The following CAMK1D variants were observed in gnomAD, a reference collection of about 807,000 sequenced individuals.
The protein encoded by CAMK1D is calcium/calmodulin-dependent protein kinase type 1D.
Under a neutral mutation model 47.7 loss-of-function variants are expected in CAMK1D, and 9 were observed. The observed-to-expected ratio is 0.19, with a 90% CI of 0.11 to 0.33. The LOEUF (loss-of-function observed/expected upper bound fraction) is 0.33. CAMK1D is among the 10% of genes least tolerant of loss of function. The pLI is 1.00. For synonymous variants in CAMK1D, 184 were observed against 184.9 expected (o/e 0.99, Z 0.04); for missense variants, 291 against 488.7 (o/e 0.60, Z 3.81).
chr10:12,627,363 G>A (rs186748805), intron 2 of CAMK1D, among the ~76,000 whole-genome samples: 35 of 152,182 alleles, frequency 2.3e-4, no homozygotes, highest in African/African-American at 8.4e-4. Flanking sequence ...GGGATTACAG[G>A]CGTGAGCCAC....
At chr10:12,409,591 T>A (rs1824254435) in intron 1 of CAMK1D, among the ~76,000 whole-genome samples, 1 of 152,210 alleles carries the variant, frequency 6.6e-6, no homozygotes, top group Non-Finnish European at 1.5e-5. Context: ...GCTGAAAAAT[T>A]TTCTTAAAAA....
intron 8 of CAMK1D, among the ~76,000 whole-genome samples, chr10:12,822,931 A>T (rs1833064661): frequency 6.6e-6 from 1 of 152,196 alleles, no homozygotes; most frequent in Non-Finnish European, 1.5e-5. Context: ...TTTGCTTGAG[A>T]TATTTCCTGC....
chr10:12,465,424 G>T (rs552766634), intron 1 of CAMK1D, among the ~76,000 whole-genome samples: 1 of 151,658 alleles, frequency 6.6e-6, no homozygotes. Context: ...GTGTGATCTC[G>T]GCTCACTGCA....
intron 1 of CAMK1D, among the ~76,000 whole-genome samples, chr10:12,500,178 A>G (rs1834657472): frequency 6.6e-6 from 1 of 152,202 alleles, no homozygotes; most frequent in Non-Finnish European, 1.5e-5. Flanking sequence ...AGGCAAGAGA[A>G]TCGCTTGAAC....
At chr10:12,392,002 CACACACACACACACAA>C (rs1475444914) in intron 1 of CAMK1D, among the ~76,000 whole-genome samples, 21 of 144,590 alleles carry the variant, frequency 1.5e-4, no homozygotes, top group Admixed American at 1.4e-3. Context: ...CACACACACA[CACACACACACACACAA>C]ACAGTCTGGG....
intron 5 of CAMK1D, among the ~76,000 whole-genome samples, chr10:12,789,454 G>T (rs894717527): frequency 3.3e-5 from 5 of 152,218 alleles, no homozygotes; most frequent in Admixed American, 2.6e-4. Context: ...GCTGTGTGAT[G>T]TGGGACAAGT....
chr10:12,767,763 A>G (rs1836839544), intron 4 of CAMK1D, among the ~76,000 whole-genome samples: 1 of 152,226 alleles, frequency 6.6e-6, no homozygotes, highest in African/African-American at 2.4e-5. Context: ...TACACACTTT[A>G]CAGGAATAGT....
intron 3 of CAMK1D, among the ~76,000 whole-genome samples, chr10:12,677,927 C>A (rs1056738244): frequency 1.3e-5 from 2 of 151,976 alleles, no homozygotes; most frequent in Non-Finnish European, 2.9e-5. Flanking sequence ...ACTGCTGCTG[C>A]TTTGTCCTTC....
chr10:12,693,966 A>C (rs796252936), intron 3 of CAMK1D, among the ~76,000 whole-genome samples: 1 of 26,748 alleles, frequency 3.7e-5, no homozygotes, highest in African/African-American at 9.6e-5. Context: ...TTATATATAA[A>C]ATATATAATA....
chr10:12,555,377 C>T (rs1015960216), intron 2 of CAMK1D, among the ~76,000 whole-genome samples: 19 of 152,208 alleles, frequency 1.2e-4, no homozygotes, highest in African/African-American at 4.6e-4. Context: ...TGAGAACAAA[C>T]AGGTCTCTTT....
At chr10:12,781,029 C>G (rs776422135) in intron 5 of CAMK1D, among the ~76,000 whole-genome samples, 1 of 152,188 alleles carries the variant, frequency 6.6e-6, no homozygotes, top group Non-Finnish European at 1.5e-5. Context: ...TTGAGGAGCC[C>G]CATCCCACAC....
intron 1 of CAMK1D, among the ~76,000 whole-genome samples, chr10:12,550,840 A>G (rs921282831): frequency 1.3e-5 from 2 of 152,346 alleles, no homozygotes; most frequent in African/African-American, 4.8e-5. Context: ...GCTATAGACA[A>G]GCTTCTCTCG....
chr10:12,503,747 C>T (rs1463938026), intron 1 of CAMK1D, among the ~76,000 whole-genome samples: 1 of 152,078 alleles, frequency 6.6e-6, no homozygotes, highest in Non-Finnish European at 1.5e-5. Flanking sequence ...TTGGGCCAAC[C>T]TTTCAGGGTT....
intron 2 of CAMK1D, among the ~76,000 whole-genome samples, chr10:12,662,833 G>A (rs1273358073): frequency 6.6e-6 from 1 of 152,190 alleles, no homozygotes; most frequent in African/African-American, 2.4e-5. Flanking sequence ...TTTTCTGTGT[G>A]CCAGTGGTTA....
intron 1 of CAMK1D, among the ~76,000 whole-genome samples, chr10:12,380,214 C>CA (rs924490819): frequency 1.4e-4 from 21 of 150,010 alleles, no homozygotes; most frequent in African/African-American, 3.4e-4. Flanking sequence ...GACTCTATCT[C>CA]AAAAAAAAAG....
chr10:12,773,838 G>T (rs1189367158), intron 5 of CAMK1D, among the ~76,000 whole-genome samples: 1 of 152,214 alleles, frequency 6.6e-6, no homozygotes, highest in Non-Finnish European at 1.5e-5. Flanking sequence ...GACAGAGGTT[G>T]CAGTGAGCTG....
chr10:12,377,362 T>G (rs1838214785), intron 1 of CAMK1D, among the ~76,000 whole-genome samples: 1 of 152,168 alleles, frequency 6.6e-6, no homozygotes, highest in African/African-American at 2.4e-5. Flanking sequence ...TCAGCTTTAT[T>G]TTCTCAAATG....
chr10:12,648,960 T>C (rs1454972550), intron 2 of CAMK1D, among the ~76,000 whole-genome samples: 1 of 152,194 alleles, frequency 6.6e-6, no homozygotes, highest in Non-Finnish European at 1.5e-5. Flanking sequence ...CTTGACCTCC[T>C]GGGCTCAAGT....
At chr10:12,603,298 C>G (rs1438499968) in intron 2 of CAMK1D, among the ~76,000 whole-genome samples, 2 of 152,186 alleles carry the variant, frequency 1.3e-5, no homozygotes, top group Non-Finnish European at 2.9e-5. Context: ...CAGACTGGCT[C>G]TGCCTGCTGC....
Sources: allele counts gnomAD v4.1 joint callset (sites outside exome capture counted in the v4.1 genomes callset), GRCh38; gene constraint gnomAD v4.1.1; transcripts MANE v1.5; gene names NCBI Gene and HGNC (gene_info 2026-07-23, HGNC 2026-07-21).